The following ID2 variants were observed in gnomAD, a reference collection of about 807,000 sequenced individuals.
ID2 encodes DNA-binding protein inhibitor ID-2.
ID2 carries 2 observed loss-of-function variants against 8.3 expected under a neutral mutation model. The observed-to-expected ratio is 0.24, with a 90% CI of 0.10 to 0.76. ID2 has a LOEUF of 0.76. Among genes scored for constraint, ID2 ranks in the 30% least tolerant of loss-of-function variants. The probability of loss-of-function intolerance (pLI) is 0.73; values close to 1 mark genes in which losing one functional copy is unlikely to be tolerated. For synonymous variants in ID2, 112 were observed against 72.3 expected, an observed-to-expected ratio of 1.55 and a Z score of -2.79; for missense variants, 155 against 167.0, an observed-to-expected ratio of 0.93 and a Z score of 0.40.
chr2:8,682,634 T>C (rs1662114113), intron 1 of ID2, 121 bp downstream of exon 1: 2 of 763,970 alleles, frequency 2.6e-6, no homozygotes, highest in African/African-American at 3.5e-5. Context: ...CTTTATTTTC[T>C]TCAGAATCTG....
chr2:8,683,041 A>G lies in ID2; in HGVS notation c.*7+135A>G. The G allele has an allele frequency of 4.1e-6, 3 of 733,400 alleles. No individual in the cohort carries two copies. The South Asian group carries it at 4.5e-5, about 11-fold the overall frequency. 45.4% of individuals were successfully genotyped at this position (733,400 alleles called of 1,614,324 possible). ...ATGCTTACTTCGCGGTGTTACCCGTACTACATTGTCTCACTAGACATGAAG... is the reference window on the plus strand; with the variant it reads ...ATGCTTACTTCGCGGTGTTACCCGTGCTACATTGTCTCACTAGACATGAAG... On this transcript the variant is annotated intron_variant, in intron 2 of 2. Transcript: ENST00000396290.
At chr2:8,682,568 G>T in intron 1 of ID2, 55 bp downstream of exon 1, 1 of 1,334,962 alleles carries the variant, frequency 7.5e-7, no homozygotes, top group Non-Finnish European at 1.1e-6. Context: ...GCGGTCGTCT[G>T]GGCTGTCACT....
At chr2:8,682,730 G>C (rs1359253042) in intron 1 of ID2, 113 bp from the exon 2 acceptor site, 35 of 830,462 alleles carry the variant, frequency 4.2e-5, no homozygotes, top group Non-Finnish European at 1.2e-5. Flanking sequence ...TACCATAAAC[G>C]TGTTTAATGG....
At position 8,683,952 on chromosome 2, in the gene ID2, A is replaced by G. The variant is rs1662174912; in HGVS notation, c.*275A>G. 1.3e-5 allele frequency: 2 copies of G among 152,544 alleles called. No individual in the cohort carries two copies. The highest frequency in any genetic ancestry group is 6.5e-5 in the Admixed American group (1 of 15,282). 9.4% of individuals were successfully genotyped at this position (152,544 alleles called of 1,614,324 possible). A position where few individuals can be genotyped will look rare whatever the true frequency, so the allele number is the denominator to read the frequency against. ...AAGGTTTTCTTTATATACTATTCCC[A>G]CCATGGGGAGCGAAAACGTTAAAAT... On this transcript the variant is annotated 3_prime_UTR_variant, in exon 3 of 3. Coordinates refer to ENST00000396290, the MANE Select transcript of ID2 (RefSeq NM_002166.5).
chr2:8,682,100 G>C lies in ID2; in HGVS notation c.-66G>C. 1 of 1,297,718 alleles carries C rather than the reference G, an allele frequency of 7.7e-7. No individual in the cohort carries two copies. The highest frequency in any genetic ancestry group is 1.1e-6 in the Non-Finnish European group (1 of 917,326). 80.4% of individuals were successfully genotyped at this position (1,297,718 alleles called of 1,614,324 possible). On this transcript the variant is annotated 5_prime_UTR_variant, in exon 1 of 3. Coordinates refer to ENST00000396290, the MANE Select transcript of ID2 (RefSeq NM_002166.5). ...GCCAAGCGCAGCTAGCTCAGCAGGCGGCAGCGGCGGCCTGAGCTTCAGGGC... is the reference window on the plus strand; with the variant it reads ...GCCAAGCGCAGCTAGCTCAGCAGGCCGCAGCGGCGGCCTGAGCTTCAGGGC...
chr2:8,682,948 GGT>G, intron 2 of ID2, 42 bp downstream of exon 2: 3 of 1,474,952 alleles, frequency 2.0e-6, no homozygotes, highest in Admixed American at 1.7e-5. Context: ...ACTGCCCCTC[GGT>G]GTGTGTGCGC....
rs1281969736 is a variant in ID2 at position 8,683,844 on chromosome 2, C to T, written c.*167C>T. The T allele has an allele frequency of 2.0e-5, 3 of 152,470 alleles. No individual in the cohort carries two copies. The highest frequency in any genetic ancestry group is 4.8e-5 in the African/African-American group (2 of 41,420). 9.4% of individuals were successfully genotyped at this position (152,470 alleles called of 1,614,324 possible). A position where few individuals can be genotyped will look rare whatever the true frequency, so the allele number is the denominator to read the frequency against. On this transcript the variant is annotated 3_prime_UTR_variant, in exon 3 of 3. Transcript: ENST00000396290. The stretch of plus-strand genomic sequence containing the variant: ...AAATGGAAGGAAAACTAAGAATGAT[C>T]ATCTTCCCAGGGTGTTCTCTTACTT...
chr2:8,682,239 G>A lies in ID2; in HGVS notation c.74G>A (p.Ser25Asn). 1 of 1,614,122 alleles carries A rather than the reference G, an allele frequency of 6.2e-7. No homozygotes were observed. The highest frequency in any genetic ancestry group is 8.5e-7 in the Non-Finnish European group (1 of 1,180,040). ...GACCACAGCCTGGGCATCTCCCGGA[G>A]CAAAACCCCTGTGGACGACCCGATG... ...LSDHSLGISR[S>N]KTPVDDPMSL... Residue 25 changes from serine (S) to asparagine (N), a missense_variant, in exon 1 of 3, where the codon AGC becomes AAC. By Grantham distance (46) the Ser-to-Asn change is conservative. Transcript: ENST00000396290.
In ID2 at chr2:8,682,843, G is replaced by A. The variant is rs1442805194; in HGVS notation, c.349G>A (p.Ala117Thr). Residue 117 changes from alanine (A) to threonine (T), a missense_variant and splice_region_variant, in exon 2 of 3, where the codon GCT becomes ACT. Coordinates refer to ENST00000396290, the MANE Select transcript of ID2 (RefSeq NM_002166.5). ...TACTCTTTATCCTCTTTCTTTCCAG[G>A]CTTCTGAATTCCCTTCTGAGTTAAT... ...NTDISILSLQ[A>T]SEFPSELMSN... 6.8e-6 allele frequency: 11 copies of A among 1,611,272 alleles called. No individual in the cohort carries two copies. Among genetic ancestry groups the A allele is most frequent in the Non-Finnish European group, 8.5e-6 (10 of 1,177,806 alleles).
rs1662117794 is a variant in ID2 at position 8,682,757 on chromosome 2, GACT to G, written c.349-83_349-81del. 3.0e-5 allele frequency: 29 copies of G among 976,954 alleles called. No homozygotes were observed. In the East Asian group the frequency reaches 6.8e-4, roughly 23 times the overall value. 60.5% of individuals were successfully genotyped at this position (976,954 alleles called of 1,614,324 possible). On this transcript the variant is annotated intron_variant, in intron 1 of 2. Transcript: ENST00000396290. The stretch of plus-strand genomic sequence containing the variant: ...GTTTAATGGAACTTGCTGGTCTGTG[GACT>G]ACAAAAAAAAAAAAAAAAAAAAAAA...
intron 1 of ID2, 121 bp from the exon 2 acceptor site, chr2:8,682,722 C>G (rs1165019535): frequency 1.2e-6 from 1 of 824,014 alleles, no homozygotes; most frequent in Non-Finnish European, 2.0e-6. Flanking sequence ...TGAATTGTTA[C>G]CATAAACGTG....
In ID2 at chr2:8,682,399, C is replaced by T. The variant is rs775200073; in HGVS notation, c.234C>T (p.Ala78=). 4.4e-5 allele frequency: 71 copies of T among 1,613,918 alleles called. 1 individual carries two copies. In the Middle Eastern group the frequency reaches 6.6e-4, roughly 15 times the overall value. Residue 78 remains alanine, a synonymous_variant, in exon 1 of 3, where the codon GCC becomes GCT. Coordinates refer to ENST00000396290, the MANE Select transcript of ID2 (RefSeq NM_002166.5). The part of the protein sequence containing the change: ...VIDYILDLQI[A]LDSHPTIVSL... ...ACTACATCTTGGACCTGCAGATCGC[C>T]CTGGACTCGCATCCCACTATTGTCA... is the stretch of plus-strand genomic sequence containing the variant.
At chr2:8,683,415 C>A (rs896737044) in intron 2 of ID2, among the ~76,000 whole-genome samples, 4 of 152,190 alleles carry the variant, frequency 2.6e-5, no homozygotes, top group African/African-American at 2.4e-5. Flanking sequence ...ATAATTGTTA[C>A]GAGAAGCAGA....
rs56392909 is a variant in ID2 at position 8,684,206 on chromosome 2, CTA to C, written c.*531_*532del. The C allele has an allele frequency of 1.3e-5, 2 of 152,386 alleles. No homozygotes were observed. The highest frequency in any genetic ancestry group is 2.1e-4 in the South Asian group (1 of 4,832). 9.4% of individuals were successfully genotyped at this position (152,386 alleles called of 1,614,324 possible). A position where few individuals can be genotyped will look rare whatever the true frequency, so the allele number is the denominator to read the frequency against. ...TTTTCTTGTATAGTGGCAGAGATGT[CTA>C]TTTCTGCATTCAAAAGTGTAATGAT... On this transcript the variant is annotated 3_prime_UTR_variant, in exon 3 of 3. Coordinates refer to ENST00000396290, the MANE Select transcript of ID2 (RefSeq NM_002166.5).
At chr2:8,683,089 G>A in intron 2 of ID2, 183 bp downstream of exon 2, 1 of 612,084 alleles carries the variant, frequency 1.6e-6, no homozygotes, top group Non-Finnish European at 3.0e-6. Flanking sequence ...TTGGGTGCTC[G>A]AGATCACAGA....
chr2:8,682,097 G>T lies in ID2; in HGVS notation c.-69G>T. 1 of 1,271,158 alleles carries T rather than the reference G, an allele frequency of 7.9e-7. No homozygotes were observed. Among genetic ancestry groups the T allele is most frequent in the Non-Finnish European group, 1.1e-6 (1 of 894,686 alleles). 78.7% of individuals were successfully genotyped at this position (1,271,158 alleles called of 1,614,324 possible). On this transcript the variant is annotated 5_prime_UTR_variant, in exon 1 of 3. It adds an upstream start codon to the 5' untranslated region. Coordinates refer to ENST00000396290, the MANE Select transcript of ID2 (RefSeq NM_002166.5). ...GGTGCCAAGCGCAGCTAGCTCAGCA[G>T]GCGGCAGCGGCGGCCTGAGCTTCAG...
At chr2:8,683,464 A>AT (rs1479702148) in intron 2 of ID2, among the ~76,000 whole-genome samples, 1 of 152,124 alleles carries the variant, frequency 6.6e-6, no homozygotes, top group Non-Finnish European at 1.5e-5. Flanking sequence ...TCCAAATAGG[A>AT]GATTGGGTTG....
At chr2:8,682,686 C>G in intron 1 of ID2, 157 bp from the exon 2 acceptor site, 1 of 710,672 alleles carries the variant, frequency 1.4e-6, no homozygotes, top group East Asian at 2.6e-5. Flanking sequence ...TAAGTTCTGA[C>G]ATGTTAATGC....
chr2:8,684,210 T>G lies in ID2; in HGVS notation c.*533T>G, dbSNP rs1050114924. On this transcript the variant is annotated 3_prime_UTR_variant, in exon 3 of 3. Transcript: ENST00000396290. ...CTTGTATAGTGGCAGAGATGTCTAT[T>G]TCTGCATTCAAAAGTGTAATGATGT... The G allele has an allele frequency of 1.3e-5, 2 of 152,412 alleles. No individual in the cohort carries two copies. Among genetic ancestry groups the G allele is most frequent in the Non-Finnish European group, 2.9e-5 (2 of 68,044 alleles). 9.4% of individuals were successfully genotyped at this position (152,412 alleles called of 1,614,324 possible).
Sources: allele counts gnomAD v4.1 joint callset (sites outside exome capture counted in the v4.1 genomes callset), GRCh38; gene constraint gnomAD v4.1.1; transcripts MANE v1.5; gene names NCBI Gene and HGNC (gene_info 2026-07-23, HGNC 2026-07-21).